PIK3CD: variants seen among roughly 807,000 people sequenced by gnomAD.
PIK3CD encodes the protein phosphatidylinositol-4,5-bisphosphate 3-kinase catalytic subunit delta, also known as phosphatidylinositol 4,5-bisphosphate 3-kinase catalytic subunit delta isoform.
In PIK3CD, 20 loss-of-function variants were observed where a neutral mutation model predicts 122.9. The observed-to-expected ratio is 0.16, with a 90% CI of 0.11 to 0.24. The LOEUF is 0.24. Ranked by LOEUF, PIK3CD falls within the 10% of genes least tolerant of loss-of-function variation. PIK3CD has a pLI of 1.00. For missense variants in PIK3CD, 787 were observed against 1,406.3 expected (o/e 0.56, Z 7.04); for synonymous variants, 596 against 593.4 (o/e 1.00, Z -0.06).
At position 9,715,635 on chromosome 1, in the gene PIK3CD, A is replaced by G. The variant is rs1557659457; in HGVS notation, c.236A>G (p.Gln79Arg). The G allele has an allele frequency of 6.2e-7, 1 of 1,613,820 alleles. No individual in the cohort carries two copies. Among genetic ancestry groups the G allele is most frequent in the Non-Finnish European group, 8.5e-7 (1 of 1,180,032 alleles). Reference protein sequence around the residue: ...VFTCINQTAEQQELEDEQRRL... With the variant: ...VFTCINQTAERQELEDEQRRL... ...ACCTGCATCAACCAGACAGCGGAGCAGCAAGAGCTGGAGGACGAGCAACGG... is the reference window on the plus strand; with the variant it reads ...ACCTGCATCAACCAGACAGCGGAGCGGCAAGAGCTGGAGGACGAGCAACGG... The change falls in exon 4 of 24, where the codon CAG becomes CGG. Residue 79 changes from glutamine (Q) to arginine (R), a missense_variant. Gln to Arg is a conservative substitution (Grantham distance 43). Transcript: ENST00000377346. The surrounding 1 kb of genome is among the most constrained non-coding windows in gnomAD (Gnocchi z 4.1).
rs146664456 is a variant in PIK3CD at position 9,726,935 on chromosome 1, G to A, written c.3024G>A (p.Glu1008=). 536 of 1,613,936 alleles carry A rather than the reference G, an allele frequency of 3.3e-4. No homozygotes were observed. Among genetic ancestry groups the A allele is most frequent in the Non-Finnish European group, 4.3e-4 (513 of 1,179,876 alleles). The part of the protein sequence containing the change: ...LKDSLALGKT[E]EEALKHFRVK... ...ACTCCCTGGCACTGGGGAAAACAGA[G>A]GAGGAGGCACTGAAGCACTTCCGAG... The change falls in exon 24 of 24, where the codon GAG becomes GAA. Residue 1008 remains glutamate, a synonymous_variant. Coordinates refer to ENST00000377346, the MANE Select transcript of PIK3CD (RefSeq NM_005026.5).
chr1:9,702,645 C>T (rs1193171821), intron 2 of PIK3CD, among the ~76,000 whole-genome samples: 4 of 150,698 alleles, frequency 2.7e-5, no homozygotes, highest in African/African-American at 9.7e-5. Context: ...CTCAGCCTCC[C>T]GAGTAGCTGG....
the PIK3CD span, among the ~76,000 whole-genome samples, chr1:9,630,069 G>A: frequency 6.6e-6 from 1 of 152,236 alleles, no homozygotes; most frequent in African/African-American, 2.4e-5. Flanking sequence ...GAGACTGGGG[G>A]CTGGCCCACG....
chr1:9,669,458 C>T (rs1300472235), intron 1 of PIK3CD, among the ~76,000 whole-genome samples: 2 of 152,180 alleles, frequency 1.3e-5, no homozygotes, highest in East Asian at 3.8e-4. Flanking sequence ...GATTGGGTTA[C>T]AGTTTGGTTT....
intron 1 of PIK3CD, among the ~76,000 whole-genome samples, chr1:9,667,083 C>T (rs766149512): frequency 3.3e-5 from 5 of 152,040 alleles, no homozygotes; most frequent in Admixed American, 6.5e-5. Context: ...AAGCTGGTCT[C>T]GAACTCCTGA....
At chr1:9,670,132 A>G (rs969330175) in intron 1 of PIK3CD, among the ~76,000 whole-genome samples, 1 of 150,000 alleles carries the variant, frequency 6.7e-6, no homozygotes, top group Non-Finnish European at 1.5e-5. Flanking sequence ...CCTGGGTGAC[A>G]AGAGAGAAAT....
intron 6 of PIK3CD, 38 bp downstream of exon 6, chr1:9,716,657 A>AC: frequency 6.5e-7 from 1 of 1,540,340 alleles, no homozygotes; most frequent in Non-Finnish European, 8.8e-7. Flanking sequence ...TGGGCTCCCA[A>AC]CGCCCTGGAT....
rs1647806959 is a variant in PIK3CD, at chr1:9,717,948, G to GGGCTGGGTCC, written c.1020+323_1020+332dup. 6.6e-6 allele frequency among the ~76,000 whole-genome samples: 1 copy of GGGCTGGGTCC among 152,178 alleles called. No homozygotes were observed. The highest frequency in any genetic ancestry group is 2.4e-5 in the African/African-American group (1 of 41,422). ...GGGGGAAGGGCCGGGCATGGAAGAG[G>GGGCTGGGTCC]GGCTGGGTCCAGCTGGGCTGGGGGC... On this transcript the variant is annotated intron_variant, in intron 8 of 23. Transcript: ENST00000377346. The surrounding 1 kb of genome is among the most constrained non-coding windows in gnomAD (Gnocchi z 5.4).
At chr1:9,630,999 G>GC in the PIK3CD span, among the ~76,000 whole-genome samples, 1 of 152,158 alleles carries the variant, frequency 6.6e-6, no homozygotes, top group African/African-American at 2.4e-5. Flanking sequence ...CAGAGTTCAT[G>GC]CCCCAGCCTA....
chr1:9,683,124 C>CA (rs756702134), intron 1 of PIK3CD, among the ~76,000 whole-genome samples: 3,613 of 70,156 alleles, frequency 0.051, 167 homozygotes, highest in African/African-American at 0.13. Flanking sequence ...GACATTGTCT[C>CA]AAAAAAAAAA....
the PIK3CD span, among the ~76,000 whole-genome samples, chr1:9,630,675 C>T: frequency 7.9e-5 from 12 of 151,654 alleles, no homozygotes; most frequent in Non-Finnish European, 2.9e-5. Context: ...GTGCTGGGCC[C>T]GAATTCTACT....
At chr1:9,632,339 G>A in the PIK3CD span, among the ~76,000 whole-genome samples, 1 of 152,014 alleles carries the variant, frequency 6.6e-6, no homozygotes, top group Non-Finnish European at 1.5e-5. Flanking sequence ...AAAGACAGAG[G>A]GTCTCAACTA....
chr1:9,639,044 C>A, the PIK3CD span, among the ~76,000 whole-genome samples: 1 of 152,024 alleles, frequency 6.6e-6, no homozygotes, highest in Non-Finnish European at 1.5e-5. Context: ...CGGGATTACA[C>A]GCGTGAGCCA....
At chr1:9,725,692 C>A (rs1649441462) in intron 23 of PIK3CD, among the ~76,000 whole-genome samples, 1 of 151,972 alleles carries the variant, frequency 6.6e-6, no homozygotes, top group Admixed American at 6.5e-5. Flanking sequence ...GCCTGACCAA[C>A]ATGGTGAAAC....
chr1:9,716,924 G>A (rs201470458), intron 6 of PIK3CD, 35 bp from the exon 7 acceptor site: 181 of 1,612,952 alleles, frequency 1.1e-4, no homozygotes, highest in East Asian at 3.6e-4. Flanking sequence ...GGTTGGGGCC[G>A]CCCCACCAGC....
At chr1:9,633,724 TAA>T in the PIK3CD span, among the ~76,000 whole-genome samples, 1 of 152,222 alleles carries the variant, frequency 6.6e-6, no homozygotes, top group Non-Finnish European at 1.5e-5. Flanking sequence ...TCTTTCAGCC[TAA>T]GAGTGAAAAG....
At chr1:9,703,611 A>AT (rs1419234785) in intron 2 of PIK3CD, among the ~76,000 whole-genome samples, 2 of 151,986 alleles carry the variant, frequency 1.3e-5, no homozygotes, top group Non-Finnish European at 2.9e-5. Context: ...ATGAACACAT[A>AT]TTTTTTTTGT....
the PIK3CD span, among the ~76,000 whole-genome samples, chr1:9,639,792 C>G: frequency 6.6e-6 from 1 of 152,122 alleles, no homozygotes; most frequent in East Asian, 1.9e-4. Flanking sequence ...TGCAGTGGCG[C>G]GATCGTGGCT....
chr1:9,701,668 CAAAAA>C (rs1163030937), intron 2 of PIK3CD, among the ~76,000 whole-genome samples: 3 of 79,006 alleles, frequency 3.8e-5, no homozygotes, highest in African/African-American at 9.1e-5. Flanking sequence ...GACTCTGTCT[CAAAAA>C]AAAAAAAAAA....
Sources: allele counts gnomAD v4.1 joint callset (sites outside exome capture counted in the v4.1 genomes callset), GRCh38; gene constraint gnomAD v4.1.1; non-coding constraint Gnocchi (gnomAD v3.1); transcripts MANE v1.5; gene names NCBI Gene and HGNC (gene_info 2026-07-23, HGNC 2026-07-21).